GFRAL: variants seen among roughly 807,000 people sequenced by gnomAD.
The protein encoded by GFRAL is GDNF family receptor alpha-like.
In GFRAL, 36 loss-of-function variants were observed where a neutral mutation model predicts 45.4. The ratio of observed to expected loss-of-function variants is 0.79; its 90% CI spans 0.61 to 1.05. The LOEUF (loss-of-function observed/expected upper bound fraction) is 1.05. Among genes scored for constraint, GFRAL ranks in the 50% least tolerant of loss-of-function variants. The pLI is 0.00. For missense variants in GFRAL, 507 were observed against 467.5 expected, an observed-to-expected ratio of 1.08 and a Z score of -0.78; for synonymous variants, 166 against 154.1, an observed-to-expected ratio of 1.08 and a Z score of -0.57.
intron 3 of GFRAL, among the ~76,000 whole-genome samples, chr6:55,347,005 A>C (rs1013544258): frequency 6.6e-6 from 1 of 152,122 alleles, no homozygotes; most frequent in Non-Finnish European, 1.5e-5. Context: ...GTGAGAAAAC[A>C]AAACAGTATA....
chr6:55,363,390 T>A (rs1354363443), intron 6 of GFRAL, among the ~76,000 whole-genome samples: 1 of 151,968 alleles, frequency 6.6e-6, no homozygotes, highest in South Asian at 2.1e-4. Context: ...AAAAAATATA[T>A]GGTAGACCCA....
chr6:55,333,856 C>CA lies in GFRAL; in HGVS notation c.230dup (p.Asn77LysfsTer5). The CA allele has an allele frequency of 6.2e-7, 1 of 1,608,642 alleles. No individual in the cohort carries two copies. Among genetic ancestry groups the CA allele is most frequent in the Non-Finnish European group, 8.5e-7 (1 of 1,176,044 alleles). ...TGAGTATCCAGTACTTAGTGGAAAG[C>CA]AATTTCCAATTTAAAGAGTGTCTTT... is the stretch of plus-strand genomic sequence containing the variant. On this transcript the variant is annotated frameshift_variant, in exon 3 of 9. Coordinates refer to ENST00000340465, the MANE Select transcript of GFRAL (RefSeq NM_207410.2). LOFTEE classifies it high-confidence loss of function.
intron 6 of GFRAL, 106 bp from the exon 7 acceptor site, chr6:55,399,074 G>C (rs1477709482): frequency 1.8e-6 from 1 of 565,208 alleles, no homozygotes; most frequent in East Asian, 3.1e-5. Flanking sequence ...TTAAAATAAT[G>C]TAATGGAAAT....
At chr6:55,340,862 C>T (rs1041053111) in intron 3 of GFRAL, among the ~76,000 whole-genome samples, 2 of 152,188 alleles carry the variant, frequency 1.3e-5, no homozygotes, top group South Asian at 2.1e-4. Context: ...GCAAATGGCA[C>T]ACCAGGAGAT....
At chr6:55,329,281 C>T (rs1006868047) in intron 1 of GFRAL, among the ~76,000 whole-genome samples, 2 of 151,768 alleles carry the variant, frequency 1.3e-5, no homozygotes, top group African/African-American at 4.8e-5. Context: ...GAAGCTTGTT[C>T]AACCAAAAAC....
chr6:55,340,037 G>GC (rs1250731921), intron 3 of GFRAL, among the ~76,000 whole-genome samples: 1 of 152,166 alleles, frequency 6.6e-6, no homozygotes, highest in Non-Finnish European at 1.5e-5. Flanking sequence ...AAAGGAGAAA[G>GC]CCTAAATATT....
At chr6:55,336,943 T>C (rs1221378729) in intron 3 of GFRAL, among the ~76,000 whole-genome samples, 1 of 152,140 alleles carries the variant, frequency 6.6e-6, no homozygotes, top group African/African-American at 2.4e-5. Context: ...AAATGCTGAA[T>C]TCTGCAAATA....
chr6:55,400,262 C>T (rs1363331808), intron 8 of GFRAL, among the ~76,000 whole-genome samples: 1 of 152,026 alleles, frequency 6.6e-6, no homozygotes, highest in Non-Finnish European at 1.5e-5. Context: ...AAGAAATATA[C>T]ATAAGTGTGT....
chr6:55,351,154 A>C (rs904303886), intron 4 of GFRAL, 99 bp from the exon 5 acceptor site: 5 of 820,900 alleles, frequency 6.1e-6, no homozygotes, highest in African/African-American at 5.1e-5. Flanking sequence ...TTGGTACATC[A>C]TTGTATTTTG....
chr6:55,352,740 TAGC>T (rs1341524532), intron 5 of GFRAL, among the ~76,000 whole-genome samples: 1 of 152,076 alleles, frequency 6.6e-6, no homozygotes, highest in Non-Finnish European at 1.5e-5. Flanking sequence ...TGGACATCCC[TAGC>T]ACACATGTAT....
chr6:55,346,400 A>T (rs1283562735), intron 3 of GFRAL, among the ~76,000 whole-genome samples: 3 of 152,210 alleles, frequency 2.0e-5, no homozygotes, highest in African/African-American at 4.8e-5. Context: ...AGGGACATGG[A>T]TGAAGCTGGA....
At chr6:55,373,202 A>G (rs1046887214) in intron 6 of GFRAL, among the ~76,000 whole-genome samples, 4 of 152,146 alleles carry the variant, frequency 2.6e-5, no homozygotes, top group African/African-American at 9.7e-5. Context: ...GATTTCAGTA[A>G]GGAGAACCTG....
chr6:55,394,893 A>G (rs1197070251), intron 6 of GFRAL, among the ~76,000 whole-genome samples: 1 of 152,094 alleles, frequency 6.6e-6, no homozygotes, highest in Non-Finnish European at 1.5e-5. Context: ...GAGGAAAGAT[A>G]GGAATGAGAG....
intron 6 of GFRAL, among the ~76,000 whole-genome samples, chr6:55,378,766 C>T (rs942279381): frequency 4.9e-4 from 74 of 151,890 alleles, no homozygotes; most frequent in Non-Finnish European, 3.1e-4. Context: ...CTTGTCTTTC[C>T]ATACAAAGTG....
intron 6 of GFRAL, among the ~76,000 whole-genome samples, chr6:55,368,507 G>A (rs1253875274): frequency 1.3e-5 from 2 of 152,038 alleles, no homozygotes; most frequent in African/African-American, 4.8e-5. Flanking sequence ...CTTTGGAGGA[G>A]GAGAGGCACT....
At chr6:55,395,098 A>G (rs1301346056) in intron 6 of GFRAL, among the ~76,000 whole-genome samples, 1 of 150,824 alleles carries the variant, frequency 6.6e-6, no homozygotes, top group Non-Finnish European at 1.5e-5. Context: ...AACACTCTCC[A>G]AAAGAGTGTT....
intron 3 of GFRAL, among the ~76,000 whole-genome samples, chr6:55,344,804 C>T (rs1224549996): frequency 2.0e-5 from 3 of 152,148 alleles, no homozygotes; most frequent in Admixed American, 1.3e-4. Context: ...ATCATCTCAG[C>T]CCAAAATCTC....
At chr6:55,400,240 TA>T (rs1406973110) in intron 8 of GFRAL, among the ~76,000 whole-genome samples, 1 of 152,146 alleles carries the variant, frequency 6.6e-6, no homozygotes, top group African/African-American at 2.4e-5. Context: ...TTGAGTAGCA[TA>T]AATGTTAATG....
intron 6 of GFRAL, among the ~76,000 whole-genome samples, chr6:55,384,666 G>T (rs1246560507): frequency 6.6e-6 from 1 of 152,040 alleles, no homozygotes; most frequent in Admixed American, 6.6e-5. Context: ...GTCAGGGAGA[G>T]ATCAGCTGGA....
Sources: allele counts gnomAD v4.1 joint callset (sites outside exome capture counted in the v4.1 genomes callset), GRCh38; gene constraint gnomAD v4.1.1; transcripts MANE v1.5; gene names NCBI Gene and HGNC (gene_info 2026-07-23, HGNC 2026-07-21).